The following MYO18B variants were observed in gnomAD, a reference collection of about 807,000 sequenced individuals.
MYO18B encodes the protein unconventional myosin-XVIIIb.
A neutral mutation model predicts 273.0 loss-of-function variants in MYO18B; 204 were observed. The ratio of observed to expected loss-of-function variants is 0.75; its 90% confidence interval spans 0.67 to 0.84. The LOEUF is 0.84. MYO18B is among the 40% of genes least tolerant of loss of function. The pLI, the probability that MYO18B is intolerant of heterozygous loss-of-function variation, is 0.00. For synonymous variants in MYO18B, 1,330 were observed against 1,305.7 expected (o/e 1.02, Z -0.40); for missense variants, 3,212 against 3,287.6 (o/e 0.98, Z 0.56).
At chr22:25,871,366 T>G (rs1031486409) in intron 22 of MYO18B, among the ~76,000 whole-genome samples, 6 of 152,218 alleles carry the variant, frequency 3.9e-5, no homozygotes, top group Admixed American at 2.6e-4. Context: ...AATACATTTG[T>G]CAGTGAGGCA....
the MYO18B span, among the ~76,000 whole-genome samples, chr22:26,063,728 C>T: frequency 2.6e-5 from 4 of 152,290 alleles, no homozygotes; most frequent in East Asian, 1.9e-4. Context: ...TGTTTTCCTT[C>T]GACCATTAGG....
chr22:26,039,140 C>T, the MYO18B span, among the ~76,000 whole-genome samples: 1 of 152,146 alleles, frequency 6.6e-6, no homozygotes, highest in Non-Finnish European at 1.5e-5. Flanking sequence ...GGTGCTCTGG[C>T]AGCTGATTAG....
At chr22:26,035,734 C>T (rs78912336), downstream of MYO18B, among the ~76,000 whole-genome samples, 662 of 152,304 alleles carry the variant, frequency 4.3e-3, 2 homozygotes, top group Admixed American at 6.7e-3. Context: ...ACCTCTCCCT[C>T]CTCAACCAAC....
intron 13 of MYO18B, among the ~76,000 whole-genome samples, chr22:25,825,551 C>T (rs989352130): frequency 3.3e-5 from 5 of 152,106 alleles, no homozygotes; most frequent in South Asian, 2.1e-4. Flanking sequence ...TGTGTGTATT[C>T]GAGCAAAATC....
chr22:25,948,576 CCT>C (rs954589371), intron 36 of MYO18B, among the ~76,000 whole-genome samples: 24 of 139,560 alleles, frequency 1.7e-4, no homozygotes, highest in South Asian at 2.3e-4. Flanking sequence ...CTTCTTTCCC[CCT>C]CTTTCTTTCT....
At chr22:25,846,414 G>A (rs1449719217) in intron 19 of MYO18B, 131 bp downstream of exon 19, 6 of 989,674 alleles carry the variant, frequency 6.1e-6, no homozygotes, top group African/African-American at 1.7e-5. Context: ...GTCACCCCAC[G>A]CTCCACAGAG....
rs1555985020 is a variant in MYO18B at position 25,997,960 on chromosome 22, C to CAA, written c.6288-5304_6288-5303insAA. ...ACACACACACACACACACACACAAA[C>CAA]ACACACACACACACACACGAGAGAG... On this transcript the variant is annotated intron_variant, in intron 40 of 43. Coordinates refer to ENST00000335473, the MANE Select transcript of MYO18B (RefSeq NM_032608.7). 2.5e-3 allele frequency among the ~76,000 whole-genome samples: 341 copies of CAA among 134,090 alleles called. 1 individual carries two copies. Among genetic ancestry groups the CAA allele is most frequent in the African/African-American group, 9.6e-3 (319 of 33,082 alleles). The allele number at this position is 134,090 out of a possible 152,430, so 88.0% of individuals were successfully genotyped here.
chr22:25,861,606 C>G (rs2090739133), intron 21 of MYO18B, among the ~76,000 whole-genome samples: 1 of 152,132 alleles, frequency 6.6e-6, no homozygotes, highest in Non-Finnish European at 1.5e-5. Flanking sequence ...GATTGACAAT[C>G]TCTGCCTTTT....
At chr22:26,063,550 A>ACT in the MYO18B span, among the ~76,000 whole-genome samples, 1 of 152,108 alleles carries the variant, frequency 6.6e-6, no homozygotes, top group Non-Finnish European at 1.5e-5. Flanking sequence ...GAGATGCCTG[A>ACT]CTCAGGTCCA....
At chr22:25,898,530 G>A (rs2091861624) in intron 29 of MYO18B, 69 bp downstream of exon 29, 1 of 1,555,536 alleles carries the variant, frequency 6.4e-7, no homozygotes, top group Admixed American at 1.8e-5. Context: ...GTTTTCTGGG[G>A]TATCCAGGTT....
At chr22:25,833,577 AT>A (rs1347043294) in intron 16 of MYO18B, among the ~76,000 whole-genome samples, 3 of 151,916 alleles carry the variant, frequency 2.0e-5, no homozygotes, top group Non-Finnish European at 4.4e-5. Context: ...ATTTCACTTG[AT>A]TTTTTTGTCT....
chr22:26,046,902 G>A, the MYO18B span, among the ~76,000 whole-genome samples: 2 of 152,144 alleles, frequency 1.3e-5, no homozygotes, highest in African/African-American at 2.4e-5. Flanking sequence ...ATGGCTGGTA[G>A]TTAGAGCTGG....
downstream of MYO18B, among the ~76,000 whole-genome samples, chr22:26,033,048 G>A (rs1007214515): frequency 6.6e-6 from 1 of 152,020 alleles, no homozygotes; most frequent in African/African-American, 2.4e-5. Context: ...TATGTCCCAA[G>A]CTCCCAGCTT....
intron 42 of MYO18B, among the ~76,000 whole-genome samples, chr22:26,011,984 C>T (rs1934954978): frequency 1.3e-5 from 2 of 152,122 alleles, no homozygotes; most frequent in Admixed American, 6.6e-5. Flanking sequence ...CATTTGCAGC[C>T]CCAAACTCTT....
intron 21 of MYO18B, among the ~76,000 whole-genome samples, chr22:25,854,113 T>C (rs1336580640): frequency 6.6e-6 from 1 of 152,142 alleles, no homozygotes; most frequent in Non-Finnish European, 1.5e-5. Flanking sequence ...AGGGGATTCA[T>C]TGTCAGGGTG....
rs957369485 is a variant in MYO18B at position 25,937,881 on chromosome 22, G to A, written c.5518-8256G>A. The stretch of plus-strand genomic sequence containing the variant: ...ATTACAGGTGTGAGCCACCGCTCCC[G>A]GCCGACATTCTTAATATGTTTGCAT... On this transcript the variant is annotated intron_variant, in intron 34 of 43. Transcript: ENST00000335473. Among the ~76,000 whole-genome samples, 10 of 152,202 alleles carry A rather than the reference G, an allele frequency of 6.6e-5. No individual in the cohort carries two copies. The East Asian group carries it at 7.7e-4, about 12-fold the overall frequency.
intron 40 of MYO18B, among the ~76,000 whole-genome samples, chr22:26,001,879 C>A (rs1933986511): frequency 6.6e-6 from 1 of 152,184 alleles, no homozygotes; most frequent in African/African-American, 2.4e-5. Context: ...AGAACTAACA[C>A]CAGTGTGTGC....
intron 42 of MYO18B, among the ~76,000 whole-genome samples, chr22:26,011,512 A>G (rs1934921360): frequency 6.6e-6 from 1 of 152,198 alleles, no homozygotes; most frequent in Non-Finnish European, 1.5e-5. Flanking sequence ...GTTTTCCACC[A>G]AGGGGGAAGC....
chr22:25,931,410 G>A (rs939136809), intron 34 of MYO18B, among the ~76,000 whole-genome samples: 1 of 152,334 alleles, frequency 6.6e-6, no homozygotes, highest in South Asian at 2.1e-4. Flanking sequence ...CTACAGCAAC[G>A]ATATTGACGG....
Sources: allele counts gnomAD v4.1 joint callset (sites outside exome capture counted in the v4.1 genomes callset), GRCh38; gene constraint gnomAD v4.1.1; transcripts MANE v1.5; gene names NCBI Gene and HGNC (gene_info 2026-07-23, HGNC 2026-07-21).